The following MARCHF1 variants were observed in gnomAD, a reference collection of about 807,000 sequenced individuals.
MARCHF1 encodes membrane associated ring-CH-type finger 1.
MARCHF1 carries 40 observed loss-of-function variants against 54.2 expected under a neutral mutation model. That is an observed-to-expected ratio of 0.74 (90% confidence interval 0.57 to 0.96). MARCHF1 has a LOEUF of 0.96. Among genes scored for constraint, MARCHF1 ranks in the 40% least tolerant of loss-of-function variants. MARCHF1 has a pLI of 0.00. For synonymous variants in MARCHF1, 236 were observed against 236.3 expected, an observed-to-expected ratio of 1.00 and a Z score of 0.01; for missense variants, 586 against 656.5, an observed-to-expected ratio of 0.89 and a Z score of 1.17.
At chr4:163,919,084 C>T (rs1751370971) in intron 3 of MARCHF1, among the ~76,000 whole-genome samples, 1 of 152,094 alleles carries the variant, frequency 6.6e-6, no homozygotes. Context: ...TATTGACATA[C>T]AATCTATGAT....
intron 5 of MARCHF1, among the ~76,000 whole-genome samples, chr4:163,692,038 A>T (rs1744474023): frequency 6.6e-6 from 1 of 152,230 alleles, no homozygotes; most frequent in Non-Finnish European, 1.5e-5. Context: ...GAGGTTCCCT[A>T]CGGGATCAGG....
chr4:163,883,258 T>TGAGAGA (rs55714281), intron 3 of MARCHF1, among the ~76,000 whole-genome samples: 1 of 145,550 alleles, frequency 6.9e-6, no homozygotes, highest in Non-Finnish European at 1.5e-5. Flanking sequence ...TATATATATA[T>TGAGAGA]GAGAGAGAGA....
chr4:163,626,395 C>T (rs185704322), intron 5 of MARCHF1, among the ~76,000 whole-genome samples: 31 of 152,190 alleles, frequency 2.0e-4, no homozygotes, highest in Admixed American at 1.2e-3. Flanking sequence ...AGTTTAGATC[C>T]AATCCACTAG....
At chr4:164,127,989 G>C (rs1032945173) in intron 1 of MARCHF1, among the ~76,000 whole-genome samples, 2 of 152,134 alleles carry the variant, frequency 1.3e-5, no homozygotes, top group African/African-American at 4.8e-5. Flanking sequence ...AAATAGGATA[G>C]TACTGGCTCA....
At position 164,080,299 on chromosome 4, in the gene MARCHF1, C is replaced by G. The variant is rs4303934; in HGVS notation, c.-248+31289G>C. Reference sequence around the variant, plus strand: ...CTGGCGAGACCAGCAGAAGCAGCATCTAAGCCCTGCTCAAGATGCAAAATA... The same window carrying G: ...CTGGCGAGACCAGCAGAAGCAGCATGTAAGCCCTGCTCAAGATGCAAAATA... On this transcript the variant is annotated intron_variant, in intron 2 of 9. Transcript: ENST00000514618. Among the ~76,000 whole-genome samples the G allele has an allele frequency of 1.3e-5, 2 of 152,334 alleles. 1 individual carries two copies. The highest frequency in any genetic ancestry group is 4.8e-5 in the African/African-American group (2 of 41,568).
At chr4:163,876,740 G>C (rs951968211) in intron 3 of MARCHF1, among the ~76,000 whole-genome samples, 2 of 152,074 alleles carry the variant, frequency 1.3e-5, no homozygotes, top group Non-Finnish European at 2.9e-5. Context: ...ACAAAACGAA[G>C]CAATGTCTTT....
intron 2 of MARCHF1, among the ~76,000 whole-genome samples, chr4:164,043,851 T>C (rs2111026052): frequency 6.6e-6 from 1 of 152,332 alleles, no homozygotes; most frequent in South Asian, 2.1e-4. Flanking sequence ...CTTTGCTCCT[T>C]AGAAATTTCT....
intron 1 of MARCHF1, among the ~76,000 whole-genome samples, chr4:164,202,275 A>C (rs1204309587): frequency 1.3e-5 from 2 of 152,188 alleles, no homozygotes; most frequent in African/African-American, 4.8e-5. Context: ...GTGGAGGGAG[A>C]GTTCCAGTCA....
intron 8 of MARCHF1, among the ~76,000 whole-genome samples, chr4:163,554,237 T>C (rs533239604): frequency 2.0e-5 from 3 of 152,222 alleles, no homozygotes; most frequent in Non-Finnish European, 4.4e-5. Flanking sequence ...TGTACTGATA[T>C]GCTTGTCACG....
Position 163,894,684 on chromosome 4 carries a change from G to T in MARCHF1, c.-38-40515C>A, listed in dbSNP as rs1750747903. 4.4e-5 allele frequency among the ~76,000 whole-genome samples: 2 copies of T among 45,742 alleles called. 1 individual carries two copies. Among genetic ancestry groups the T allele is most frequent in the Non-Finnish European group, 8.3e-5 (2 of 24,118 alleles). The allele number at this position is 45,742 out of a possible 152,430, so 30.0% of individuals were successfully genotyped here. A position where few individuals can be genotyped will look rare whatever the true frequency, so the allele number is the denominator to read the frequency against. ...ATGCATGTGATGCATATATATGCAT[G>T]TGATGCATATATATATGCATGTGAT... On this transcript the variant is annotated intron_variant, in intron 3 of 9. Coordinates refer to ENST00000514618, the MANE Select transcript of MARCHF1 (RefSeq NM_001394959.1).
intron 4 of MARCHF1, among the ~76,000 whole-genome samples, chr4:163,803,746 G>GA (rs548705167): frequency 8.3e-4 from 121 of 145,804 alleles, no homozygotes; most frequent in African/African-American, 2.6e-3. Context: ...ATTTGGAGAG[G>GA]AAAAAAAAAA....
intron 4 of MARCHF1, among the ~76,000 whole-genome samples, chr4:163,814,345 C>T (rs1020479756): frequency 1.6e-4 from 24 of 152,224 alleles, no homozygotes; most frequent in African/African-American, 4.8e-4. Flanking sequence ...TGACTCCGCC[C>T]GACTTCATTG....
chr4:163,717,036 T>G (rs912472365), intron 4 of MARCHF1, among the ~76,000 whole-genome samples: 1 of 152,156 alleles, frequency 6.6e-6, no homozygotes, highest in East Asian at 1.9e-4. Flanking sequence ...AGTGTACATG[T>G]GCACAACGTG....
At chr4:164,354,716 C>G (rs1320057979) in intron 1 of MARCHF1, among the ~76,000 whole-genome samples, 6 of 145,078 alleles carry the variant, frequency 4.1e-5, no homozygotes, top group African/African-American at 1.6e-4. Context: ...GACAGGGATG[C>G]CCTCTCTCAC....
chr4:163,566,175 G>T (rs972602858), intron 8 of MARCHF1, among the ~76,000 whole-genome samples: 1 of 152,188 alleles, frequency 6.6e-6, no homozygotes, highest in Non-Finnish European at 1.5e-5. Flanking sequence ...AAGGTAATCA[G>T]AGCAATGCTT....
intron 4 of MARCHF1, among the ~76,000 whole-genome samples, chr4:163,798,774 A>G (rs908554320): frequency 1.3e-5 from 2 of 152,136 alleles, no homozygotes. Context: ...CAGAATTCTA[A>G]AAGGAGACCA....
chr4:164,292,358 C>T (rs1370697830), intron 1 of MARCHF1, among the ~76,000 whole-genome samples: 5 of 151,948 alleles, frequency 3.3e-5, no homozygotes, highest in Admixed American at 3.3e-4. Context: ...GAATTTTCTT[C>T]CAGGCCACCA....
At chr4:163,718,181 AC>A (rs1283030001) in intron 4 of MARCHF1, among the ~76,000 whole-genome samples, 1 of 152,214 alleles carries the variant, frequency 6.6e-6, no homozygotes, top group Non-Finnish European at 1.5e-5. Context: ...TAAATGTTAG[AC>A]CTAAAACCAT....
chr4:164,086,656 CTG>C (rs1560897438), intron 2 of MARCHF1, among the ~76,000 whole-genome samples: 3 of 152,000 alleles, frequency 2.0e-5, no homozygotes, highest in African/African-American at 7.2e-5. Flanking sequence ...AATTCATACT[CTG>C]TGTTTTTAAT....
Sources: allele counts gnomAD v4.1 joint callset (sites outside exome capture counted in the v4.1 genomes callset), GRCh38; gene constraint gnomAD v4.1.1; transcripts MANE v1.5; gene names NCBI Gene and HGNC (gene_info 2026-07-23, HGNC 2026-07-21).